ATP2B2: variants seen among roughly 807,000 people sequenced by gnomAD.
The protein encoded by ATP2B2 is ATPase plasma membrane Ca2+ transporting 2.
A neutral mutation model predicts 120.0 loss-of-function variants in ATP2B2; 15 were observed. The ratio of observed to expected loss-of-function variants is 0.12; its 90% CI spans 0.08 to 0.19. The LOEUF (loss-of-function observed/expected upper bound fraction) is 0.19, where lower values mean the gene tolerates loss of function less well. Among genes scored for constraint, ATP2B2 ranks in the 10% least tolerant of loss-of-function variants. The pLI, the probability that ATP2B2 is intolerant of heterozygous loss-of-function variation, is 1.00. For missense variants in ATP2B2, 1,045 were observed against 1,719.8 expected, an observed-to-expected ratio of 0.61 and a Z score of 6.94; for synonymous variants, 694 against 700.3, an observed-to-expected ratio of 0.99 and a Z score of 0.14.
intron 2 of ATP2B2, among the ~76,000 whole-genome samples, chr3:10,414,398 T>G (rs945058551): frequency 4.6e-5 from 7 of 152,264 alleles, no homozygotes; most frequent in African/African-American, 1.4e-4. Context: ...GAGCAGGGGC[T>G]GCAAATTTGA....
At chr3:10,504,464 T>C (rs932559534) in intron 1 of ATP2B2, among the ~76,000 whole-genome samples, 3 of 151,996 alleles carry the variant, frequency 2.0e-5, no homozygotes, top group Non-Finnish European at 2.9e-5. Flanking sequence ...GCTTGCCTGC[T>C]CACTTACCCT....
intron 2 of ATP2B2, among the ~76,000 whole-genome samples, chr3:10,422,580 G>A (rs778928036): frequency 2.0e-5 from 3 of 152,204 alleles, no homozygotes; most frequent in South Asian, 2.1e-4. Context: ...GATAGCATTT[G>A]TCACCCAGCT....
intron 12 of ATP2B2, among the ~76,000 whole-genome samples, chr3:10,366,803 C>T (rs1054979294): frequency 1.3e-5 from 2 of 152,196 alleles, no homozygotes; most frequent in Non-Finnish European, 1.5e-5. Flanking sequence ...GAAGTCTTGA[C>T]GTACAAAGCA....
At chr3:10,341,562 C>T (rs572128731) in intron 19 of ATP2B2, among the ~76,000 whole-genome samples, 6 of 152,316 alleles carry the variant, frequency 3.9e-5, no homozygotes, top group East Asian at 1.9e-4. Flanking sequence ...CCACCCGCCT[C>T]GGCCTCCCAA....
At chr3:10,681,872 C>A (rs1215216773) in intron 1 of ATP2B2, among the ~76,000 whole-genome samples, 9 of 152,216 alleles carry the variant, frequency 5.9e-5, no homozygotes, top group Admixed American at 5.2e-4. Context: ...CAGTCCCTGT[C>A]TTTGAGAATT....
At chr3:10,504,747 C>G (rs753319013) in intron 1 of ATP2B2, among the ~76,000 whole-genome samples, 6 of 152,178 alleles carry the variant, frequency 3.9e-5, no homozygotes, top group Non-Finnish European at 8.8e-5. Flanking sequence ...CCCTATCCCT[C>G]AGCTGGAGAC....
chr3:10,449,267 T>G, intron 2 of ATP2B2, 78 bp downstream of exon 2: 1 of 1,492,530 alleles, frequency 6.7e-7, no homozygotes, highest in Non-Finnish European at 9.3e-7. Context: ...TGTTACATAT[T>G]ATGAATATGG....
At chr3:10,652,526 T>C (rs1318657740) in intron 1 of ATP2B2, among the ~76,000 whole-genome samples, 1 of 152,138 alleles carries the variant, frequency 6.6e-6, no homozygotes. Flanking sequence ...GTACTGTATG[T>C]AGAGAGACAG....
chr3:10,602,919 T>A (rs1364952342), intron 2 of ATP2B2, among the ~76,000 whole-genome samples: 1 of 152,204 alleles, frequency 6.6e-6, no homozygotes, highest in Non-Finnish European at 1.5e-5. Flanking sequence ...GCTGTTTCAT[T>A]TCTCTTCTCT....
At chr3:10,657,359 C>A (rs35708402) in intron 1 of ATP2B2, among the ~76,000 whole-genome samples, 33,360 of 152,220 alleles carry the variant, frequency 0.22, 6,095 homozygotes, top group African/African-American at 0.49. Context: ...GGTCACCACC[C>A]ACCCTCATGT....
At chr3:10,593,410 C>T (rs17033177) in intron 2 of ATP2B2, among the ~76,000 whole-genome samples, 20,576 of 152,030 alleles carry the variant, frequency 0.14, 1,563 homozygotes, top group East Asian at 0.33. Flanking sequence ...ACCAATACCC[C>T]GGCCTAGAAC....
chr3:10,455,531 C>G (rs1429142312), intron 1 of ATP2B2, among the ~76,000 whole-genome samples: 1 of 152,202 alleles, frequency 6.6e-6, no homozygotes, highest in Non-Finnish European at 1.5e-5. Context: ...AGCTCCTGGC[C>G]CAGAGCAGAA....
intron 1 of ATP2B2, among the ~76,000 whole-genome samples, chr3:10,674,846 G>A (rs943041710): frequency 1.3e-5 from 2 of 152,172 alleles, no homozygotes; most frequent in Non-Finnish European, 2.9e-5. Flanking sequence ...CAACAGGGAC[G>A]CACTGTATTA....
chr3:10,568,722 G>A (rs2125541060), intron 2 of ATP2B2, among the ~76,000 whole-genome samples: 1 of 152,294 alleles, frequency 6.6e-6, no homozygotes, highest in Non-Finnish European at 1.5e-5. Context: ...CCACTCAGAT[G>A]CTTTTCCCAA....
At chr3:10,392,450 C>G (rs529877062) in intron 5 of ATP2B2, among the ~76,000 whole-genome samples, 1,730 of 152,324 alleles carry the variant, frequency 0.011, 39 homozygotes, top group African/African-American at 0.039. Flanking sequence ...CTCCACGAGT[C>G]CCCTGCAGAG....
intron 8 of ATP2B2, among the ~76,000 whole-genome samples, chr3:10,382,197 A>ATTTTTTTTTTTTTTTTTT (rs58615119): frequency 1.6e-5 from 2 of 122,322 alleles, no homozygotes; most frequent in Non-Finnish European, 1.6e-5. Context: ...AGCTAATTAA[A>ATTTTTTTTTTTTTTTTTT]TTTTTTTTTT....
At chr3:10,506,940 C>A (rs181027563), upstream of ATP2B2, among the ~76,000 whole-genome samples, 150 of 152,342 alleles carry the variant, frequency 9.8e-4, 2 homozygotes, top group African/African-American at 3.4e-3. Context: ...CAGAACCCGG[C>A]CGTGCAGAGG....
intron 2 of ATP2B2, among the ~76,000 whole-genome samples, chr3:10,545,166 C>T (rs1043170656): frequency 3.9e-5 from 6 of 152,108 alleles, no homozygotes; most frequent in East Asian, 1.9e-4. Context: ...CTGTATGATG[C>T]CATTTTAAAG....
At chr3:10,596,755 T>C (rs1486159942) in intron 2 of ATP2B2, among the ~76,000 whole-genome samples, 6 of 152,360 alleles carry the variant, frequency 3.9e-5, no homozygotes, top group Middle Eastern at 6.8e-3. Flanking sequence ...GCCACTTCTC[T>C]CTGTCCTTTA....
Sources: allele counts gnomAD v4.1 joint callset (sites outside exome capture counted in the v4.1 genomes callset), GRCh38; gene constraint gnomAD v4.1.1; transcripts MANE v1.5; gene names NCBI Gene and HGNC (gene_info 2026-07-23, HGNC 2026-07-21).